Variants in EML6 observed in about 807,000 individuals in gnomAD.
The protein encoded by EML6 is echinoderm microtubule-associated protein-like 6.
A neutral mutation model predicts 240.1 loss-of-function variants in EML6; 154 were observed. That is an observed-to-expected ratio of 0.64 (90% CI 0.56 to 0.73). The LOEUF is 0.73. Ranked by LOEUF, EML6 falls within the 30% of genes least tolerant of loss-of-function variation. EML6 has a pLI of 0.00. For missense variants in EML6, 2,964 were observed against 2,474.6 expected, an observed-to-expected ratio of 1.20 and a Z score of -4.20; for synonymous variants, 1,148 against 899.0, an observed-to-expected ratio of 1.28 and a Z score of -4.95.
chr2:54,891,064 G>A lies in EML6; in HGVS notation c.2449G>A (p.Asp817Asn). 6.8e-7 allele frequency: 1 copy of A among 1,467,084 alleles called. No individual in the cohort carries two copies. The highest frequency in any genetic ancestry group is 9.3e-7 in the Non-Finnish European group (1 of 1,080,012). 90.9% of individuals were successfully genotyped at this position (1,467,084 alleles called of 1,614,324 possible). ...EKIATTRGHK[D>N]KIFVVKCNPH... The stretch of plus-strand genomic sequence containing the variant: ...ATTTGTCTCTTACAGAGGACATAAA[G>A]ATAAGATATTTGTGGTAAAGTGTAA... The change falls in exon 18 of 42, where the codon GAT becomes AAT. Residue 817 changes from aspartate to asparagine, a missense_variant. By Grantham distance (23) the Asp-to-Asn change is conservative (BLOSUM62 1). Transcript: ENST00000356458.
intron 36 of EML6, among the ~76,000 whole-genome samples, chr2:54,963,515 A>G (rs1676617213): frequency 6.6e-6 from 1 of 152,326 alleles, no homozygotes; most frequent in Admixed American, 6.5e-5. Flanking sequence ...CTAGTAAGTG[A>G]CAGGGCCAGG....
At chr2:54,969,380 A>G (rs1230737528) in intron 41 of EML6, among the ~76,000 whole-genome samples, 1 of 152,162 alleles carries the variant, frequency 6.6e-6, no homozygotes, top group Non-Finnish European at 1.5e-5. Flanking sequence ...GGTTGTAAGA[A>G]AGGCACCTAT....
chr2:54,792,788 A>G (rs910619334), intron 2 of EML6, among the ~76,000 whole-genome samples: 2 of 152,218 alleles, frequency 1.3e-5, no homozygotes, highest in Non-Finnish European at 2.9e-5. Context: ...GAAATACGAC[A>G]TTGTTCACAA....
At position 54,822,505 on chromosome 2, in the gene EML6, C is replaced by T. The variant is rs561259679; in HGVS notation, c.525+2043C>T. ...ATAAACCAAACAGAAGATCTGAAAC[C>T]ACTTAAGTGTCTCTAGGAAGTTGAA... On this transcript the variant is annotated intron_variant, in intron 5 of 41. Coordinates refer to ENST00000356458, the MANE Select transcript of EML6 (RefSeq NM_001039753.4). Among the ~76,000 whole-genome samples, 282 of 152,216 alleles carry T rather than the reference C, an allele frequency of 1.9e-3. 2 individuals are homozygous for T. The highest frequency in any genetic ancestry group is 6.4e-3 in the African/African-American group (267 of 41,544).
intron 28 of EML6, among the ~76,000 whole-genome samples, chr2:54,938,947 A>T (rs1675288460): frequency 6.6e-6 from 1 of 152,210 alleles, no homozygotes; most frequent in Admixed American, 6.5e-5. Context: ...TGACCTGATC[A>T]GGGTTACACG....
intron 26 of EML6, among the ~76,000 whole-genome samples, chr2:54,923,399 AC>A (rs1558689830): frequency 1.1e-4 from 17 of 151,612 alleles, no homozygotes; most frequent in African/African-American, 3.4e-4. Context: ...ACACACACAC[AC>A]ACACAATGGT....
chr2:54,898,953 T>C (rs1672914458), intron 21 of EML6, among the ~76,000 whole-genome samples: 1 of 152,218 alleles, frequency 6.6e-6, no homozygotes, highest in South Asian at 2.1e-4. Flanking sequence ...CCAAGTGTGT[T>C]TGTGATAAGA....
chr2:54,907,946 A>AGATAAGAT (rs1202900130), intron 24 of EML6, among the ~76,000 whole-genome samples: 133 of 37,920 alleles, frequency 3.5e-3, no homozygotes, highest in East Asian at 4.8e-3. Context: ...ATAGATAGAT[A>AGATAAGAT]AGATAGATAG....
intron 4 of EML6, among the ~76,000 whole-genome samples, chr2:54,817,151 GGAATT>G (rs755904949): frequency 7.9e-5 from 12 of 152,084 alleles, no homozygotes; most frequent in Non-Finnish European, 1.5e-4. Context: ...AAATCAAAAT[GGAATT>G]GAATTTGAAA....
chr2:54,933,505 G>A (rs1674968400), intron 28 of EML6, among the ~76,000 whole-genome samples: 1 of 152,120 alleles, frequency 6.6e-6, no homozygotes, highest in Non-Finnish European at 1.5e-5. Flanking sequence ...AAGCCAAGGT[G>A]GGCAGATTAC....
chr2:54,959,376 C>T (rs895244656), intron 34 of EML6, 115 bp downstream of exon 34: 5 of 1,031,828 alleles, frequency 4.8e-6, no homozygotes, highest in South Asian at 3.5e-5. Context: ...ATCTTTTTTG[C>T]ATTAGGAAGA....
At chr2:54,940,632 A>C (rs936847006) in intron 28 of EML6, among the ~76,000 whole-genome samples, 7 of 152,228 alleles carry the variant, frequency 4.6e-5, no homozygotes, top group African/African-American at 1.7e-4. Flanking sequence ...GATTCTCTTA[A>C]TATTTAATCT....
At chr2:54,949,339 C>G (rs1468410954) in intron 29 of EML6, among the ~76,000 whole-genome samples, 1 of 152,274 alleles carries the variant, frequency 6.6e-6, no homozygotes, top group Admixed American at 6.5e-5. Context: ...TTGCCTGAGC[C>G]CCGACTGTTT....
rs575270988 is a variant in EML6 at position 54,907,566 on chromosome 2, G to A, written c.3410-3388G>A. 8.1e-4 allele frequency among the ~76,000 whole-genome samples: 123 copies of A among 152,232 alleles called. 2 individuals carry two copies. Among genetic ancestry groups the A allele is most frequent in the African/African-American group, 2.9e-3 (120 of 41,536 alleles). ...AATAGGACATTTCATTCCCATTTTT[G>A]TTGCAGATGGCCTGATACTTGGTAT... On this transcript the variant is annotated intron_variant, in intron 24 of 41. Coordinates refer to ENST00000356458, the MANE Select transcript of EML6 (RefSeq NM_001039753.4).
intron 2 of EML6, among the ~76,000 whole-genome samples, chr2:54,789,451 T>C (rs969047549): frequency 3.9e-5 from 5 of 129,346 alleles, no homozygotes; most frequent in South Asian, 2.5e-4. Flanking sequence ...GAGGCGGAGC[T>C]TGCAGTGAGC....
In EML6 at chr2:54,903,486, T is replaced by A. The variant is rs1170878416; in HGVS notation, c.3393T>A (p.Ile1131=). The A allele has an allele frequency of 2.6e-6, 4 of 1,550,740 alleles. No homozygotes were observed. Among genetic ancestry groups the A allele is most frequent in the Non-Finnish European group, 2.6e-6 (3 of 1,146,694 alleles). ...GTGCTTCTAGTTATATTACACACAT[T>A]GACTGGGACTCTAGAGGTAAAGTAT... is the stretch of plus-strand genomic sequence containing the variant. ...CKGASSYITH[I]DWDSRGKLLQ... The change falls in exon 24 of 42, where the codon ATT becomes ATA. Residue 1131 remains isoleucine, a synonymous_variant. Coordinates refer to ENST00000356458, the MANE Select transcript of EML6 (RefSeq NM_001039753.4).
Position 54,960,217 on chromosome 2 carries a change from T to A in EML6, c.4854-3T>A. ...AGCCTGAGTCCCTTTCAATCTTTTTTAGGACCAAAGAAGGAGGTGCTGTAA... is the reference window on the plus strand; with the variant it reads ...AGCCTGAGTCCCTTTCAATCTTTTTAAGGACCAAAGAAGGAGGTGCTGTAA... On this transcript the variant is annotated splice_region_variant and splice_polypyrimidine_tract_variant and intron_variant, in intron 34 of 41. Coordinates refer to ENST00000356458, the MANE Select transcript of EML6 (RefSeq NM_001039753.4). 6.5e-7 allele frequency: 1 copy of A among 1,549,260 alleles called. No individual in the cohort carries two copies. Among genetic ancestry groups the A allele is most frequent in the East Asian group, 2.4e-5 (1 of 40,902 alleles).
At chr2:54,771,150 C>G (rs186584851) in intron 2 of EML6, among the ~76,000 whole-genome samples, 1 of 152,280 alleles carries the variant, frequency 6.6e-6, no homozygotes, top group Non-Finnish European at 1.5e-5. Context: ...ATGTAATTTA[C>G]TGAGCAGTTA....
At position 54,971,939 on chromosome 2, in the gene EML6, AC is replaced by A. The variant is rs1195901944; in HGVS notation, c.*1845del. Reference sequence around the variant, plus strand: ...CACTGTATGATATATGTGAGTTAAAACATTGGTGCATGAATTTATTTTCAAA... The same window carrying A: ...CACTGTATGATATATGTGAGTTAAAAATTGGTGCATGAATTTATTTTCAAA... On this transcript the variant is annotated 3_prime_UTR_variant, in exon 42 of 42. Coordinates refer to ENST00000356458, the MANE Select transcript of EML6 (RefSeq NM_001039753.4). The A allele has an allele frequency of 6.6e-6, 1 of 152,252 alleles. No individual in the cohort carries two copies. The highest frequency in any genetic ancestry group is 1.5e-5 in the Non-Finnish European group (1 of 68,042). The allele number at this position is 152,252 out of a possible 1,614,324, so 9.4% of individuals were successfully genotyped here. A position where few individuals can be genotyped will look rare whatever the true frequency, so the allele number is the denominator to read the frequency against.
Sources: gnomAD v4.1 joint callset for allele counts (sites outside exome capture counted in the v4.1 genomes callset) on GRCh38, gnomAD v4.1.1 for gene constraint, MANE v1.5 for transcripts, NCBI Gene and HGNC (gene_info 2026-07-23, HGNC 2026-07-21) for gene names.